Variants in LIPI observed in about 807,000 individuals in gnomAD.
LIPI encodes lipase I, also known as lipase member I.
Under a neutral mutation model 50.6 loss-of-function variants are expected in LIPI, and 59 were observed. The ratio of observed to expected loss-of-function variants is 1.16; its 90% CI spans 0.94 to 1.45. The LOEUF is 1.45. LIPI is among the 40% of genes most tolerant of loss of function. LIPI has a pLI of 0.00. For missense variants in LIPI, 586 were observed against 536.3 expected, an observed-to-expected ratio of 1.09 and a Z score of -0.92; for synonymous variants, 203 against 178.2, an observed-to-expected ratio of 1.14 and a Z score of -1.11.
intron 4 of LIPI, among the ~76,000 whole-genome samples, chr21:14,176,188 AAAAG>A (rs1221016859): frequency 1.3e-5 from 2 of 151,670 alleles, no homozygotes; most frequent in Non-Finnish European, 2.9e-5. Context: ...AAAAAAAAAA[AAAAG>A]AAGGCAAAAG....
intron 5 of LIPI, among the ~76,000 whole-genome samples, chr21:14,165,969 C>A (rs1657890890): frequency 6.6e-6 from 1 of 152,148 alleles, no homozygotes; most frequent in African/African-American, 2.4e-5. Context: ...ATGTACAGAA[C>A]AATCAAGTGT....
intron 1 of LIPI, among the ~76,000 whole-genome samples, chr21:14,203,678 C>T (rs955848467): frequency 2.0e-5 from 3 of 151,848 alleles, no homozygotes; most frequent in Admixed American, 6.6e-5. Flanking sequence ...ACACTGGGGC[C>T]TGTTGTGGGG....
intron 1 of LIPI, among the ~76,000 whole-genome samples, chr21:14,198,391 C>A (rs1332862595): frequency 1.3e-5 from 2 of 151,988 alleles, no homozygotes; most frequent in Non-Finnish European, 2.9e-5. Flanking sequence ...CATGCAATGA[C>A]AAACATGGGC....
At chr21:14,138,992 T>C (rs2123035884) in intron 9 of LIPI, among the ~76,000 whole-genome samples, 2 of 152,232 alleles carry the variant, frequency 1.3e-5, no homozygotes, top group East Asian at 3.8e-4. Context: ...AATCATATTT[T>C]CAAGGTAATA....
chr21:14,164,054 G>A (rs182496648), intron 6 of LIPI, among the ~76,000 whole-genome samples: 3 of 149,914 alleles, frequency 2.0e-5, no homozygotes, highest in Non-Finnish European at 3.0e-5. Flanking sequence ...ATACATATGT[G>A]TACATATAAA....
intron 7 of LIPI, among the ~76,000 whole-genome samples, chr21:14,153,847 C>G (rs1240641252): frequency 6.6e-6 from 1 of 152,146 alleles, no homozygotes; most frequent in East Asian, 1.9e-4. Flanking sequence ...TTTTTTCAGT[C>G]TGGGTCTTAC....
intron 1 of LIPI, among the ~76,000 whole-genome samples, chr21:14,202,894 G>A (rs2020107064): frequency 6.6e-6 from 1 of 151,996 alleles, no homozygotes; most frequent in Admixed American, 6.6e-5. Flanking sequence ...GAGTGAACAG[G>A]CAACCTACAG....
At chr21:14,188,385 TG>T (rs1386038402) in intron 2 of LIPI, among the ~76,000 whole-genome samples, 1 of 151,940 alleles carries the variant, frequency 6.6e-6, no homozygotes, top group Non-Finnish European at 1.5e-5. Context: ...CTGGCCAACA[TG>T]GTGAAACCTC....
chr21:14,187,384 G>A (rs564519981), intron 2 of LIPI, among the ~76,000 whole-genome samples: 1 of 152,104 alleles, frequency 6.6e-6, no homozygotes, highest in Non-Finnish European at 1.5e-5. Flanking sequence ...AGGCTTTCAA[G>A]GCACAAGGTT....
At chr21:14,187,990 G>A (rs2019515263) in intron 2 of LIPI, among the ~76,000 whole-genome samples, 2 of 152,078 alleles carry the variant, frequency 1.3e-5, no homozygotes, top group Admixed American at 1.3e-4. Flanking sequence ...TGGAAGTGTT[G>A]TTATTTGTTC....
chr21:14,178,539 T>C (rs2019168255), intron 4 of LIPI, among the ~76,000 whole-genome samples: 1 of 152,212 alleles, frequency 6.6e-6, no homozygotes, highest in Non-Finnish European at 1.5e-5. Context: ...ACTTTCATTA[T>C]TTTTGTCAAA....
At chr21:14,169,781 C>G (rs2018825560) in intron 4 of LIPI, among the ~76,000 whole-genome samples, 1 of 152,084 alleles carries the variant, frequency 6.6e-6, no homozygotes, top group African/African-American at 2.4e-5. Context: ...AAAATTGACA[C>G]CCTAACATCA....
intron 4 of LIPI, among the ~76,000 whole-genome samples, chr21:14,179,712 CTTTAA>C (rs1158413945): frequency 2.0e-5 from 3 of 151,312 alleles, no homozygotes; most frequent in Non-Finnish European, 3.0e-5. Context: ...CCTGTCTTTA[CTTTAA>C]TCCCTTAATC....
At chr21:14,188,567 CAAAAAAAAAA>C (rs577516831) in intron 2 of LIPI, among the ~76,000 whole-genome samples, 28 of 65,948 alleles carry the variant, frequency 4.2e-4, no homozygotes, top group Admixed American at 4.3e-4. Context: ...GAACCTGTCT[CAAAAAAAAAA>C]AAAAAAAAAA....
At chr21:14,171,379 T>C (rs1408422759) in intron 4 of LIPI, among the ~76,000 whole-genome samples, 1 of 149,886 alleles carries the variant, frequency 6.7e-6, no homozygotes, top group Non-Finnish European at 1.5e-5. Context: ...AAAGTTCATA[T>C]GGAACCAAAA....
intron 4 of LIPI, among the ~76,000 whole-genome samples, chr21:14,175,249 C>T (rs1254350903): frequency 6.6e-6 from 1 of 152,124 alleles, no homozygotes; most frequent in Non-Finnish European, 1.5e-5. Context: ...ATAAATAATG[C>T]TGAATAGTTG....
intron 9 of LIPI, among the ~76,000 whole-genome samples, chr21:14,143,290 G>A (rs981151328): frequency 2.6e-5 from 4 of 151,988 alleles, no homozygotes; most frequent in African/African-American, 4.8e-5. Flanking sequence ...TGTTCCTGCC[G>A]AAAATGTTCA....
intron 9 of LIPI, among the ~76,000 whole-genome samples, chr21:14,118,100 C>A (rs2016723563): frequency 6.6e-6 from 1 of 151,874 alleles, no homozygotes; most frequent in South Asian, 2.1e-4. Context: ...AGGACAAGGG[C>A]AACAACCAGA....
At chr21:14,172,572 T>G (rs2018953602) in intron 4 of LIPI, among the ~76,000 whole-genome samples, 1 of 151,870 alleles carries the variant, frequency 6.6e-6, no homozygotes, top group South Asian at 2.1e-4. Flanking sequence ...TGTAGGGACA[T>G]GGATGAAATT....
Sources: allele counts gnomAD v4.1 joint callset (sites outside exome capture counted in the v4.1 genomes callset), GRCh38; gene constraint gnomAD v4.1.1; transcripts MANE v1.5; gene names NCBI Gene and HGNC (gene_info 2026-07-23, HGNC 2026-07-21).